The following COG7 variants were observed in gnomAD, a reference collection of about 807,000 sequenced individuals.
COG7 encodes component of oligomeric golgi complex 7.
In COG7, 49 loss-of-function variants were observed where a neutral mutation model predicts 91.5. The observed-to-expected ratio is 0.54, with a 90% CI of 0.43 to 0.68. COG7 has a LOEUF of 0.68. COG7 is among the 30% of genes least tolerant of loss of function. The pLI, the probability that COG7 is intolerant of heterozygous loss-of-function variation, is 0.00. For synonymous variants in COG7, 365 were observed against 388.7 expected, an observed-to-expected ratio of 0.94 and a Z score of 0.72; for missense variants, 895 against 961.3, an observed-to-expected ratio of 0.93 and a Z score of 0.91.
At position 23,434,649 on chromosome 16, in the gene COG7, T is replaced by C. The variant is rs1449693390; in HGVS notation, c.674A>G (p.Tyr225Cys). 1.4e-5 allele frequency: 22 copies of C among 1,612,922 alleles called. No homozygotes were observed. Among genetic ancestry groups the C allele is most frequent in the East Asian group, 8.9e-5 (4 of 44,862 alleles). The change falls in exon 5 of 17, where the codon TAC becomes TGC. Residue 225 changes from tyrosine (Y) to cysteine (C), a missense_variant. Coordinates refer to ENST00000307149, the MANE Select transcript of COG7 (RefSeq NM_153603.4). ...ACAGCTTCTTACCTTGTGACACTTG[T>C]AGTAGTAGGCCAGGAGCTGGGGCAT... is the stretch of plus-strand genomic sequence containing the variant. ...DRMPQLLAYYYKCHKVQLLAA... is the reference protein window; with the variant it reads ...DRMPQLLAYYCKCHKVQLLAA...
chr16:23,393,103 A>C, intron 15 of COG7, 130 bp downstream of exon 15: 1 of 719,706 alleles, frequency 1.4e-6, no homozygotes, highest in Non-Finnish European at 2.5e-6. Flanking sequence ...TACAAAAAGT[A>C]CATGTTAGAA....
chr16:23,429,239 C>T (rs1434838655), intron 6 of COG7, among the ~76,000 whole-genome samples: 1 of 152,162 alleles, frequency 6.6e-6, no homozygotes, highest in East Asian at 1.9e-4. Context: ...ATCCTCCTGC[C>T]TTGGCCTCCC....
At chr16:23,396,052 C>T (rs1452437595) in intron 14 of COG7, among the ~76,000 whole-genome samples, 2 of 152,256 alleles carry the variant, frequency 1.3e-5, no homozygotes, top group Non-Finnish European at 2.9e-5. Flanking sequence ...TGCTTCCTCC[C>T]AGCCCCACTC....
intron 6 of COG7, among the ~76,000 whole-genome samples, chr16:23,426,815 GGA>G (rs1325825630): frequency 1.1e-5 from 1 of 89,424 alleles, no homozygotes; most frequent in Non-Finnish European, 2.1e-5. Flanking sequence ...CAGAGCAATT[GGA>G]CAAAAAAAAA....
At chr16:23,421,850 CAAAAAAAAAAA>C (rs369425955) in intron 7 of COG7, among the ~76,000 whole-genome samples, 1 of 47,638 alleles carries the variant, frequency 2.1e-5, no homozygotes, top group Non-Finnish European at 4.4e-5. Flanking sequence ...GACTCCATCT[CAAAAAAAAAAA>C]AAAAAAAAAG....
At chr16:23,394,183 G>A (rs1450781804) in intron 14 of COG7, among the ~76,000 whole-genome samples, 4 of 151,802 alleles carry the variant, frequency 2.6e-5, no homozygotes, top group Non-Finnish European at 5.9e-5. Context: ...TTACTTTGGA[G>A]AAAAAACTAT....
chr16:23,421,241 T>C (rs1202977788), intron 7 of COG7, among the ~76,000 whole-genome samples: 2 of 151,704 alleles, frequency 1.3e-5, no homozygotes, highest in East Asian at 1.9e-4. Context: ...ATGTTAAGGG[T>C]AAAATTAAAA....
chr16:23,411,178 T>C (rs1963555439), intron 10 of COG7, among the ~76,000 whole-genome samples: 1 of 152,218 alleles, frequency 6.6e-6, no homozygotes, highest in African/African-American at 2.4e-5. Context: ...ATGACCATCA[T>C]ATCCGTATTG....
At chr16:23,447,886 G>A (rs779755832) in intron 1 of COG7, among the ~76,000 whole-genome samples, 1 of 151,898 alleles carries the variant, frequency 6.6e-6, no homozygotes, top group Non-Finnish European at 1.5e-5. Context: ...GCAACAGAGT[G>A]AGACTCCATC....
At chr16:23,410,495 A>T (rs539745757) in intron 10 of COG7, 135 bp from the exon 11 acceptor site, 178 of 748,982 alleles carry the variant, frequency 2.4e-4, no homozygotes, top group South Asian at 7.5e-4. Context: ...GCCGTTAAAC[A>T]TCTGCTGGCC....
Position 23,452,709 on chromosome 16 carries a change from G to A in COG7, c.169+117C>T, listed in dbSNP as rs575508578. The A allele has an allele frequency of 5.0e-5, 74 of 1,476,006 alleles. No individual in the cohort carries two copies. The African/African-American group carries it at 9.6e-4, about 19-fold the overall frequency. 91.4% of individuals were successfully genotyped at this position (1,476,006 alleles called of 1,614,324 possible). A position where few individuals can be genotyped will look rare whatever the true frequency, so the allele number is the denominator to read the frequency against. The stretch of plus-strand genomic sequence containing the variant: ...GGAGTTCGGGGCTTGCTCTTTTGCC[G>A]AGGGTATTTGCTGTCCATGCGTGCC... On this transcript the variant is annotated intron_variant, in intron 1 of 16. Transcript: ENST00000307149.
intron 3 of COG7, 123 bp from the exon 4 acceptor site, chr16:23,442,768 G>A (rs1964122175): frequency 2.3e-6 from 2 of 860,984 alleles, no homozygotes; most frequent in Admixed American, 1.8e-5. Context: ...CATCGTGGTG[G>A]TTCATGCCTG....
chr16:23,452,405 ATT>A (rs910100312), intron 1 of COG7, among the ~76,000 whole-genome samples: 2 of 150,784 alleles, frequency 1.3e-5, no homozygotes, highest in Non-Finnish European at 3.0e-5. Flanking sequence ...CATCTCTACA[ATT>A]TTTTTTTTAA....
At chr16:23,396,834 G>C (rs1963291479) in intron 14 of COG7, among the ~76,000 whole-genome samples, 1 of 152,168 alleles carries the variant, frequency 6.6e-6, no homozygotes, top group South Asian at 2.1e-4. Flanking sequence ...CAAATGAACA[G>C]AGAGCAGAGA....
chr16:23,406,093 T>G lies in COG7; in HGVS notation c.1645A>C (p.Ile549Leu). 1.2e-6 allele frequency: 2 copies of G among 1,614,062 alleles called. No homozygotes were observed. The highest frequency in any genetic ancestry group is 1.1e-5 in the South Asian group (1 of 91,076). The stretch of plus-strand genomic sequence containing the variant: ...TCTCATACCTTAAGGGTATAAAGTA[T>G]TTCCATTAAACTGGCATATTCAGCA... ...NPAEYASLME[I>L]LYTLKEKGSS... Residue 549 changes from isoleucine (I) to leucine (L), a missense_variant, in exon 12 of 17, where the codon ATA becomes CTA. By Grantham distance (5) the Ile-to-Leu change is conservative. Transcript: ENST00000307149.
chr16:23,422,472 CAT>C (rs1963774208), intron 7 of COG7, among the ~76,000 whole-genome samples: 1 of 148,544 alleles, frequency 6.7e-6, no homozygotes. Flanking sequence ...TATTATATAA[CAT>C]ATATTATTAC....
At chr16:23,438,670 A>G in intron 4 of COG7, among the ~76,000 whole-genome samples, 1 of 152,168 alleles carries the variant, frequency 6.6e-6, no homozygotes, top group Non-Finnish European at 1.5e-5. Flanking sequence ...ATTAATCATT[A>G]GAGGAATGAA....
chr16:23,412,130 C>T (rs1362295195), intron 10 of COG7, among the ~76,000 whole-genome samples: 1 of 152,158 alleles, frequency 6.6e-6, no homozygotes, highest in Non-Finnish European at 1.5e-5. Context: ...ATCCACCTAC[C>T]TCGACCTCCC....
At chr16:23,395,441 A>G (rs746138749) in intron 14 of COG7, among the ~76,000 whole-genome samples, 2 of 152,252 alleles carry the variant, frequency 1.3e-5, no homozygotes, top group African/African-American at 4.8e-5. Flanking sequence ...GCTTTGGCTA[A>G]GTCCACAGAC....
Sources: gnomAD v4.1 joint callset for allele counts (sites outside exome capture counted in the v4.1 genomes callset) on GRCh38, gnomAD v4.1.1 for gene constraint, MANE v1.5 for transcripts, NCBI Gene and HGNC (gene_info 2026-07-23, HGNC 2026-07-21) for gene names.